The following COG6 variants were observed in gnomAD, a reference collection of about 807,000 sequenced individuals.
COG6 encodes component of oligomeric golgi complex 6, also known as conserved oligomeric Golgi complex subunit 6.
In COG6, 74 loss-of-function variants were observed where a neutral mutation model predicts 88.8. The ratio of observed to expected loss-of-function variants is 0.83; its 90% CI spans 0.69 to 1.01. The LOEUF (loss-of-function observed/expected upper bound fraction) is 1.01. Among genes scored for constraint, COG6 ranks in the 50% least tolerant of loss-of-function variants. The pLI, the probability that COG6 is intolerant of heterozygous loss-of-function variation, is 0.00. For synonymous variants in COG6, 286 were observed against 278.7 expected (o/e 1.03, Z -0.26); for missense variants, 800 against 797.9 (o/e 1.00, Z -0.03).
intron 18 of COG6, among the ~76,000 whole-genome samples, chr13:39,770,671 C>T (rs1384668439): frequency 6.6e-6 from 1 of 152,190 alleles, no homozygotes. Context: ...CCATTTGTGT[C>T]TCCAGAGGTG....
chr13:39,661,148 G>A (rs1460842566), intron 3 of COG6, among the ~76,000 whole-genome samples: 1 of 152,032 alleles, frequency 6.6e-6, no homozygotes, highest in Non-Finnish European at 1.5e-5. Flanking sequence ...TTTCAATTCC[G>A]TAATATTCTA....
rs775580766 is a variant in COG6 at position 39,687,733 on chromosome 13, C to T, written c.943C>T (p.Leu315Phe). Reference sequence around the variant, plus strand: ...GTATGTAGGAGATATGTTGGCTTGGCTCCATCAAGCTACTGCTTCTGAAAA... The same window carrying T: ...GTATGTAGGAGATATGTTGGCTTGGTTCCATCAAGCTACTGCTTCTGAAAA... ...LRYVGDMLAW[L>F]HQATASEKEH... is the part of the protein sequence containing the mutation. Residue 315 changes from leucine to phenylalanine, a missense_variant, in exon 10 of 19, where the codon CTC becomes TTC. Coordinates refer to ENST00000455146, the MANE Select transcript of COG6 (RefSeq NM_020751.3). 1 of 1,613,984 alleles carries T rather than the reference C, an allele frequency of 6.2e-7. No individual in the cohort carries two copies. Among genetic ancestry groups the T allele is most frequent in the South Asian group, 1.1e-5 (1 of 91,074 alleles).
At chr13:39,665,707 C>T (rs577829308) in intron 4 of COG6, among the ~76,000 whole-genome samples, 3 of 152,268 alleles carry the variant, frequency 2.0e-5, no homozygotes, top group African/African-American at 2.4e-5. Flanking sequence ...CTGCATCTCT[C>T]ATGTGTGGAG....
At chr13:39,734,497 T>C (rs1879627974) in intron 18 of COG6, among the ~76,000 whole-genome samples, 1 of 152,176 alleles carries the variant, frequency 6.6e-6, no homozygotes, top group Admixed American at 6.5e-5. Context: ...AAAAATTTTA[T>C]GGACTTTTAT....
intron 1 of COG6, among the ~76,000 whole-genome samples, chr13:39,657,909 A>T (rs186627925): frequency 6.6e-6 from 1 of 152,268 alleles, no homozygotes; most frequent in African/African-American, 2.4e-5. Flanking sequence ...TTAGTTGTCT[A>T]TACTATACCT....
chr13:39,718,999 A>G (rs1042053552), intron 13 of COG6, among the ~76,000 whole-genome samples: 1 of 152,252 alleles, frequency 6.6e-6, no homozygotes, highest in Middle Eastern at 3.4e-3. Flanking sequence ...TTTCAAATTA[A>G]TTTTTTGAAT....
chr13:39,655,748 G>A lies in COG6; in HGVS notation c.22G>A (p.Val8Met). Residue 8 changes from valine to methionine, a missense_variant, in exon 1 of 19, where the codon GTG (valine) becomes ATG (methionine). Transcript: ENST00000455146. ...CGCTATGGCAGAGGGCAGCGGGGAA[G>A]TGGTCGCAGTGTCTGCGACCGGGGC... is the stretch of plus-strand genomic sequence containing the variant. MAEGSGE[V>M]VAVSATGAAN... 2 of 1,595,334 alleles carry A rather than the reference G, an allele frequency of 1.3e-6. No individual in the cohort carries two copies. Among genetic ancestry groups the A allele is most frequent in the Non-Finnish European group, 1.7e-6 (2 of 1,171,002 alleles).
intron 8 of COG6, 77 bp downstream of exon 8, chr13:39,682,341 A>G (rs1876366589): frequency 2.5e-6 from 2 of 811,202 alleles, no homozygotes; most frequent in Non-Finnish European, 2.1e-6. Context: ...AGTATTATCA[A>G]AAGCGTATAT....
Position 39,727,516 on chromosome 13 carries a change from A to G in COG6, c.1794A>G (p.Pro598=), listed in dbSNP as rs777438329. 6.2e-7 allele frequency: 1 copy of G among 1,613,122 alleles called. No individual in the cohort carries two copies. Among genetic ancestry groups the G allele is most frequent in the South Asian group, 1.1e-5 (1 of 91,064 alleles). ...YLSAPDNLLI[P]QLNFLLSATV... ...CAGCCCCAGACAACCTATTGATACC[A>G]CAGCTGAACTTTCTTCTAAGTGCCA... The change falls in exon 18 of 19, where the codon CCA becomes CCG. Residue 598 remains proline, a synonymous_variant. Transcript: ENST00000455146.
chr13:39,790,474 T>C (rs1161655361), exon 19 of COG6: 3 of 152,204 alleles, frequency 2.0e-5, no homozygotes, highest in Non-Finnish European at 4.4e-5. Context: ...CTAGTATCTG[T>C]AGATTTATAA....
At chr13:39,701,248 T>C (rs749569685) in intron 13 of COG6, among the ~76,000 whole-genome samples, 15 of 151,692 alleles carry the variant, frequency 9.9e-5, no homozygotes, top group Non-Finnish European at 1.6e-4. Context: ...ATCACAAATA[T>C]CTAGAATGCA....
intron 4 of COG6, among the ~76,000 whole-genome samples, chr13:39,674,962 G>GATT (rs1222807780): frequency 1.3e-5 from 2 of 152,030 alleles, no homozygotes; most frequent in African/African-American, 4.8e-5. Flanking sequence ...AATAAGTGGG[G>GATT]ATTCCTATAC....
chr13:39,777,007 AG>A (rs1881483353), intron 18 of COG6, among the ~76,000 whole-genome samples: 1 of 152,212 alleles, frequency 6.6e-6, no homozygotes, highest in African/African-American at 2.4e-5. Context: ...GCTTGTAGAT[AG>A]GTGAGAAGTA....
At chr13:39,704,488 G>A (rs534020352) in intron 13 of COG6, among the ~76,000 whole-genome samples, 1 of 152,262 alleles carries the variant, frequency 6.6e-6, no homozygotes, top group Admixed American at 6.5e-5. Flanking sequence ...TTCATTAAAT[G>A]GAAGTGAATC....
intron 12 of COG6, among the ~76,000 whole-genome samples, chr13:39,695,726 A>T (rs530690773): frequency 6.6e-6 from 1 of 152,004 alleles, no homozygotes; most frequent in South Asian, 2.1e-4. Flanking sequence ...AACAAAACTA[A>T]CAAGTCATAG....
At chr13:39,748,163 T>C (rs117580164) in intron 18 of COG6, among the ~76,000 whole-genome samples, 102 of 152,340 alleles carry the variant, frequency 6.7e-4, no homozygotes, top group Admixed American at 2.1e-3. Context: ...AGTATCTGAC[T>C]TGTTGCAAAA....
chr13:39,662,936 GT>G (rs1875002543), intron 3 of COG6, among the ~76,000 whole-genome samples: 1 of 151,760 alleles, frequency 6.6e-6, no homozygotes, highest in Non-Finnish European at 1.5e-5. Flanking sequence ...ATAGAATGTT[GT>G]TATAATGATT....
intron 18 of COG6, among the ~76,000 whole-genome samples, chr13:39,747,408 G>A (rs930194718): frequency 6.6e-6 from 1 of 152,108 alleles, no homozygotes; most frequent in Non-Finnish European, 1.5e-5. Context: ...AGCAGGCCAG[G>A]AGGAGCAGTT....
At chr13:39,753,791 G>C (rs1300648171), downstream of COG6, among the ~76,000 whole-genome samples, 1 of 152,118 alleles carries the variant, frequency 6.6e-6, no homozygotes, top group African/African-American at 2.4e-5. Context: ...CATAAATAAT[G>C]TTGTAATGTT....
Sources: gnomAD v4.1 joint callset for allele counts (sites outside exome capture counted in the v4.1 genomes callset) on GRCh38, gnomAD v4.1.1 for gene constraint, MANE v1.5 for transcripts, NCBI Gene and HGNC (gene_info 2026-07-23, HGNC 2026-07-21) for gene names.